NLGN1: variants seen among roughly 807,000 people sequenced by gnomAD.
NLGN1 encodes neuroligin-1.
In NLGN1, 12 loss-of-function variants were observed where a neutral mutation model predicts 65.5. That is an observed-to-expected ratio of 0.18 (90% confidence interval 0.12 to 0.30). The LOEUF is 0.30. Ranked by LOEUF, NLGN1 falls within the 10% of genes least tolerant of loss-of-function variation. The pLI is 1.00. For synonymous variants in NLGN1, 350 were observed against 359.5 expected, an observed-to-expected ratio of 0.97 and a Z score of 0.30; for missense variants, 750 against 1,007.1, an observed-to-expected ratio of 0.74 and a Z score of 3.46.
At chr3:174,272,657 GGATGGATGGATA>G (rs146529180) in intron 4 of NLGN1, among the ~76,000 whole-genome samples, 8,126 of 119,688 alleles carry the variant, frequency 0.068, 256 homozygotes, top group Non-Finnish European at 0.081. Context: ...ATGGATGGAT[GGATGGATGGATA>G]GATAGATAGA....
At chr3:173,728,528 A>G (rs796774021) in intron 3 of NLGN1, among the ~76,000 whole-genome samples, 2 of 151,990 alleles carry the variant, frequency 1.3e-5, no homozygotes, top group East Asian at 1.9e-4. Flanking sequence ...CCCTCCAACA[A>G]TTCATGTCAA....
intron 3 of NLGN1, among the ~76,000 whole-genome samples, chr3:173,673,604 C>T (rs76644706): frequency 0.028 from 4,271 of 152,200 alleles, 90 homozygotes; most frequent in Middle Eastern, 0.044. Context: ...GCTGTGAGCT[C>T]AGTGGTATTA....
chr3:174,098,350 GA>G (rs1339047363), intron 4 of NLGN1, among the ~76,000 whole-genome samples: 1 of 152,132 alleles, frequency 6.6e-6, no homozygotes, highest in East Asian at 1.9e-4. Flanking sequence ...AAAAAATTAA[GA>G]GGAAGCTTGT....
chr3:173,447,969 G>A (rs1423643824), intron 2 of NLGN1, among the ~76,000 whole-genome samples: 5 of 152,124 alleles, frequency 3.3e-5, no homozygotes, highest in Non-Finnish European at 7.4e-5. Flanking sequence ...GGGCTGAGAC[G>A]ATGGGGTTTT....
At chr3:173,864,136 G>T (rs1461791781) in intron 4 of NLGN1, among the ~76,000 whole-genome samples, 1 of 152,100 alleles carries the variant, frequency 6.6e-6, no homozygotes, top group Non-Finnish European at 1.5e-5. Flanking sequence ...TTAAATGCAA[G>T]AATTTAGTGA....
chr3:174,116,120 C>G (rs1716359633), intron 4 of NLGN1, among the ~76,000 whole-genome samples: 1 of 152,038 alleles, frequency 6.6e-6, no homozygotes, highest in Admixed American at 6.6e-5. Flanking sequence ...GTTTAATACA[C>G]TTTTATAAAT....
At chr3:174,109,508 T>A (rs1293474923) in intron 4 of NLGN1, among the ~76,000 whole-genome samples, 1 of 152,084 alleles carries the variant, frequency 6.6e-6, no homozygotes, top group Non-Finnish European at 1.5e-5. Flanking sequence ...TTGAACCACA[T>A]AATTTTCATG....
At chr3:173,809,377 T>C (rs1225141924) in intron 4 of NLGN1, among the ~76,000 whole-genome samples, 2 of 152,198 alleles carry the variant, frequency 1.3e-5, no homozygotes, top group Non-Finnish European at 2.9e-5. Context: ...TTTTCATGCA[T>C]TGAATCTTAA....
chr3:173,834,834 A>G (rs1260066284), intron 4 of NLGN1, among the ~76,000 whole-genome samples: 1 of 152,198 alleles, frequency 6.6e-6, no homozygotes, highest in Non-Finnish European at 1.5e-5. Context: ...AATCACTCTC[A>G]TTCATCAAGG....
At chr3:174,257,135 G>T (rs1273172389) in intron 4 of NLGN1, among the ~76,000 whole-genome samples, 1 of 152,112 alleles carries the variant, frequency 6.6e-6, no homozygotes, top group Admixed American at 6.6e-5. Flanking sequence ...CATAAATGCA[G>T]CCAACAAACA....
intron 2 of NLGN1, among the ~76,000 whole-genome samples, chr3:173,585,788 A>G (rs1339641624): frequency 6.6e-6 from 1 of 152,094 alleles, no homozygotes; most frequent in Non-Finnish European, 1.5e-5. Flanking sequence ...TTTCTTTCCA[A>G]CTGAGCGGTG....
chr3:173,776,175 A>G lies in NLGN1; in HGVS notation c.494-31505A>G, dbSNP rs188221257. Among the ~76,000 whole-genome samples, 7 of 152,186 alleles carry G rather than the reference A, an allele frequency of 4.6e-5. No homozygotes were observed. In the East Asian group the frequency reaches 9.7e-4, roughly 21 times the overall value. On this transcript the variant is annotated intron_variant, in intron 3 of 6. Coordinates refer to ENST00000457714, the Ensembl canonical transcript of NLGN1. ...AATGGGTGCAATTCTAAATAAGTCA[A>G]CTTTCTCCAAATATCGGGGTAATGA...
chr3:174,150,810 A>G (rs1233605924), intron 4 of NLGN1, among the ~76,000 whole-genome samples: 1 of 152,160 alleles, frequency 6.6e-6, no homozygotes, highest in African/African-American at 2.4e-5. Flanking sequence ...ACAGTGGCAT[A>G]GGAAAACATT....
chr3:173,738,065 T>C (rs911126396), intron 3 of NLGN1, among the ~76,000 whole-genome samples: 1 of 152,124 alleles, frequency 6.6e-6, no homozygotes, highest in Non-Finnish European at 1.5e-5. Flanking sequence ...GAGCAAAGCC[T>C]ATTTGGATTC....
intron 2 of NLGN1, among the ~76,000 whole-genome samples, chr3:173,558,680 C>T (rs1418723704): frequency 6.6e-6 from 1 of 152,010 alleles, no homozygotes; most frequent in Non-Finnish European, 1.5e-5. Context: ...ATATCCATTT[C>T]CCCTCGACCT....
chr3:173,587,212 T>G (rs2149384614), intron 2 of NLGN1, among the ~76,000 whole-genome samples: 1 of 152,306 alleles, frequency 6.6e-6, no homozygotes, highest in South Asian at 2.1e-4. Flanking sequence ...TCTGTCAGAA[T>G]AAACAATACT....
rs187850070 is a variant in NLGN1, at chr3:173,946,876, A to G, written c.646+139044A>G. ...CATTTCATTGAGACAAGAAAACGCAACTTCAGTAGCATCATAGTATCATGT... is the reference window on the plus strand; with the variant it reads ...CATTTCATTGAGACAAGAAAACGCAGCTTCAGTAGCATCATAGTATCATGT... On this transcript the variant is annotated intron_variant, in intron 4 of 6. Coordinates refer to ENST00000457714, the Ensembl canonical transcript of NLGN1. Among the ~76,000 whole-genome samples the G allele has an allele frequency of 1.8e-4, 27 of 152,264 alleles. 1 individual carries two copies. Among genetic ancestry groups the G allele is most frequent in the Admixed American group, 1.6e-3 (25 of 15,296 alleles).
intron 4 of NLGN1, among the ~76,000 whole-genome samples, chr3:174,068,682 T>C (rs1482613991): frequency 6.6e-6 from 1 of 152,160 alleles, no homozygotes; most frequent in African/African-American, 2.4e-5. Context: ...TAGAGAATGT[T>C]GATGACCTCA....
intron 4 of NLGN1, among the ~76,000 whole-genome samples, chr3:173,935,100 T>C (rs1744809505): frequency 6.6e-6 from 1 of 152,028 alleles, no homozygotes; most frequent in Non-Finnish European, 1.5e-5. Flanking sequence ...CTGTGCTATG[T>C]TCCCATCTTC....
Sources: gnomAD v4.1 joint callset for allele counts (sites outside exome capture counted in the v4.1 genomes callset) on GRCh38, gnomAD v4.1.1 for gene constraint, MANE v1.5 for transcripts, NCBI Gene and HGNC (gene_info 2026-07-23, HGNC 2026-07-21) for gene names.